Variants in SCN1A observed in about 807,000 individuals in gnomAD.
SCN1A encodes the protein sodium channel protein type 1 subunit alpha.
Under a neutral mutation model 193.7 loss-of-function variants are expected in SCN1A, and 13 were observed. That is an observed-to-expected ratio of 0.07 (90% CI 0.04 to 0.11). SCN1A has a LOEUF of 0.11. Among genes scored for constraint, SCN1A ranks in the 10% least tolerant of loss-of-function variants. The probability of loss-of-function intolerance (pLI) is 1.00; values close to 1 mark genes in which losing one functional copy is unlikely to be tolerated. For missense variants in SCN1A, 1,432 were observed against 2,451.1 expected, an observed-to-expected ratio of 0.58 and a Z score of 8.78; for synonymous variants, 781 against 843.6, an observed-to-expected ratio of 0.93 and a Z score of 1.29.
At chr2:166,016,157 T>C (rs1693268527) in intron 19 of SCN1A, 1 of 224,186 alleles carries the variant, frequency 4.5e-6, no homozygotes, top group Non-Finnish European at 9.0e-6. Context: ...TCTTTAACAA[T>C]GTCTTACCTG....
chr2:166,079,915 A>G (rs1184612111), intron 2 of SCN1A, among the ~76,000 whole-genome samples: 4 of 151,518 alleles, frequency 2.6e-5, no homozygotes, highest in African/African-American at 9.7e-5. Flanking sequence ...TAGATCTTCT[A>G]TTCAAATGCT....
intron 4 of SCN1A, 117 bp from the exon 5 acceptor site, chr2:166,058,805 A>G: frequency 1.4e-6 from 1 of 690,786 alleles, no homozygotes; most frequent in South Asian, 1.6e-5. Flanking sequence ...AAACCAGCAC[A>G]ATCACAATTT....
Position 165,994,269 on chromosome 2 carries a change from T to G in SCN1A, c.4729A>C (p.Asn1577His). 1 of 1,613,266 alleles carries G rather than the reference T, an allele frequency of 6.2e-7. No homozygotes were observed. Among genetic ancestry groups the G allele is most frequent in the Non-Finnish European group, 8.5e-7 (1 of 1,179,528 alleles). ...EYVTTILSRI[N>H]LVFIVLFTGE... The stretch of plus-strand genomic sequence containing the variant: ...GTAAATAGCACAATGAACACCAGAT[T>G]GATGCGTGACAAAATGGTAGTCACA... The change falls in exon 28 of 29, where the codon AAT becomes CAT. Residue 1577 changes from asparagine (N) to histidine (H), a missense_variant. Physicochemically the swap from Asn to His is moderately conservative, Grantham distance 68 (BLOSUM62 1). This residue lies in a region of SCN1A where 85 missense variants were observed against 119.1 expected (regional missense o/e 0.71). Coordinates refer to ENST00000674923, the MANE Select transcript of SCN1A (RefSeq NM_001165963.4).
chr2:166,054,616 A>G (rs151018063), intron 7 of SCN1A, 22 bp downstream of exon 7: 1 of 1,611,250 alleles, frequency 6.2e-7, no homozygotes, highest in East Asian at 2.2e-5. Context: ...TTCTCTCTTA[A>G]AGTTTCAAAA....
At chr2:166,003,221 A>G (rs1691180296) in intron 23 of SCN1A, among the ~76,000 whole-genome samples, 1 of 151,518 alleles carries the variant, frequency 6.6e-6, no homozygotes, top group South Asian at 2.1e-4. Flanking sequence ...CAGATGATAA[A>G]TATAAAAAAT....
intron 1 of SCN1A, among the ~76,000 whole-genome samples, chr2:166,136,626 G>A (rs895098501): frequency 1.3e-5 from 2 of 152,262 alleles, no homozygotes; most frequent in Middle Eastern, 3.4e-3. Flanking sequence ...CTCAGATGCA[G>A]TCATGGTCCT....
At chr2:166,014,643 A>C (rs1044271446) in intron 20 of SCN1A, among the ~76,000 whole-genome samples, 12 of 124,670 alleles carry the variant, frequency 9.6e-5, no homozygotes, top group Non-Finnish European at 2.0e-4. Context: ...GCTCCAAGGC[A>C]AAAAAAAAAA....
chr2:166,026,541 A>G (rs1694783899), intron 19 of SCN1A, among the ~76,000 whole-genome samples: 1 of 152,142 alleles, frequency 6.6e-6, no homozygotes, highest in South Asian at 2.1e-4. Context: ...CAGATTTAAA[A>G]ATCAGTAAGG....
intron 19 of SCN1A, 56 bp downstream of exon 19, chr2:166,035,992 G>A: frequency 2.6e-6 from 4 of 1,533,592 alleles, no homozygotes; most frequent in Non-Finnish European, 3.6e-6. Flanking sequence ...ATCTGTATGT[G>A]TGTATATGTA....
rs1452952636 is a variant in SCN1A at position 165,991,715 on chromosome 2, A to G, written c.5560T>C (p.Leu1854=). 1 of 1,613,902 alleles carries G rather than the reference A, an allele frequency of 6.2e-7. No homozygotes were observed. Residue 1854 remains leucine (L), a synonymous_variant, in exon 29 of 29, where the codon TTG becomes CTG. Coordinates refer to ENST00000674923, the MANE Select transcript of SCN1A (RefSeq NM_001165963.4). ...PNKLQLIAMD[L]PMVSGDRIHC... ...ATCCGGTCACCACTCACCATGGGCA[A>G]ATCCATGGCAATGAGCTGGAGTTTG... is the stretch of plus-strand genomic sequence containing the variant.
intron 10 of SCN1A, 68 bp from the exon 11 acceptor site, chr2:166,047,836 G>GCCTAGTTGCTATA: frequency 2.5e-6 from 4 of 1,597,250 alleles, no homozygotes; most frequent in Non-Finnish European, 2.6e-6. Context: ...ACTATGCTAT[G>GCCTAGTTGCTATA]ATATTGCCTA....
At chr2:166,036,670 AT>A in intron 18 of SCN1A, 140 bp from the exon 19 acceptor site, 1 of 774,528 alleles carries the variant, frequency 1.3e-6, no homozygotes, top group Non-Finnish European at 2.0e-6. Context: ...CAGCATAGTG[AT>A]TAGAAGATGG....
At chr2:166,093,495 C>T (rs931096170) in intron 2 of SCN1A, among the ~76,000 whole-genome samples, 17 of 152,008 alleles carry the variant, frequency 1.1e-4, no homozygotes, top group Admixed American at 1.3e-4. Flanking sequence ...CCTGCCACCA[C>T]GCCCAGCTAA....
At chr2:166,142,082 TAAG>T (rs953669530) in intron 1 of SCN1A, among the ~76,000 whole-genome samples, 4 of 152,132 alleles carry the variant, frequency 2.6e-5, no homozygotes, top group African/African-American at 9.7e-5. Context: ...AGGTGCATTC[TAAG>T]AAGAGGAGAT....
intron 2 of SCN1A, among the ~76,000 whole-genome samples, chr2:166,095,388 T>G (rs1003846500): frequency 1.3e-5 from 2 of 152,222 alleles, no homozygotes; most frequent in African/African-American, 4.8e-5. Context: ...TTGTATACAT[T>G]TCCCTTAGTA....
chr2:166,073,424 T>C lies in SCN1A; in HGVS notation c.198A>G (p.Gly66=), dbSNP rs779607141. The change falls in exon 4 of 29, where the codon GGA becomes GGG. Residue 66 remains glycine, a synonymous_variant. Transcript: ENST00000674923. ...CTGACACCATCTCTGGAGGAATGTCTCCATAAATAAATGGAAGGTTCTTTC... is the reference window on the plus strand; with the variant it reads ...CTGACACCATCTCTGGAGGAATGTCCCCATAAATAAATGGAAGGTTCTTTC... The part of the protein sequence containing the change: ...EAGKNLPFIY[G]DIPPEMVSEP... The C allele has an allele frequency of 1.9e-6, 3 of 1,614,178 alleles. No homozygotes were observed. In the South Asian group the frequency reaches 3.3e-5, roughly 18 times the overall value.
intron 23 of SCN1A, among the ~76,000 whole-genome samples, chr2:166,008,186 G>A (rs575200984): frequency 2.2e-4 from 33 of 151,132 alleles, no homozygotes; most frequent in Non-Finnish European, 4.6e-4. Flanking sequence ...TTATAGATAT[G>A]GTTATTTCTG....
upstream of SCN1A, among the ~76,000 whole-genome samples, chr2:166,131,273 A>T (rs546805253): frequency 6.6e-6 from 1 of 152,258 alleles, no homozygotes; most frequent in African/African-American, 2.4e-5. Flanking sequence ...TCTGTAATGC[A>T]TGAACCTGCT....
intron 7 of SCN1A, 67 bp from the exon 8 acceptor site, chr2:166,053,010 G>C: frequency 6.9e-7 from 1 of 1,441,364 alleles, no homozygotes; most frequent in Non-Finnish European, 9.8e-7. Flanking sequence ...GGTACAAAGA[G>C]CCTATCCTTT....
Sources: allele counts gnomAD v4.1 joint callset (sites outside exome capture counted in the v4.1 genomes callset), GRCh38; gene constraint gnomAD v4.1.1; regional missense constraint gnomAD v4.1.1; transcripts MANE v1.5; gene names NCBI Gene and HGNC (gene_info 2026-07-23, HGNC 2026-07-21).